PDSS2: variants seen among roughly 807,000 people sequenced by gnomAD.
PDSS2 encodes the protein decaprenyl diphosphate synthase subunit 2, also known as all trans-polyprenyl-diphosphate synthase PDSS2.
A neutral mutation model predicts 44.5 loss-of-function variants in PDSS2; 31 were observed. The observed-to-expected ratio is 0.70, with a 90% CI of 0.52 to 0.94. The LOEUF (loss-of-function observed/expected upper bound fraction) is 0.94, where lower values mean the gene tolerates loss of function less well. Ranked by LOEUF, PDSS2 falls within the 40% of genes least tolerant of loss-of-function variation. PDSS2 has a pLI of 0.00. For synonymous variants in PDSS2, 157 were observed against 180.3 expected, an observed-to-expected ratio of 0.87 and a Z score of 1.03; for missense variants, 452 against 482.2, an observed-to-expected ratio of 0.94 and a Z score of 0.59.
chr6:107,271,949 AGCT>A, intron 3 of PDSS2, among the ~76,000 whole-genome samples: 1 of 152,204 alleles, frequency 6.6e-6, no homozygotes, highest in African/African-American at 2.4e-5. Flanking sequence ...CTGTGGTCCC[AGCT>A]ACTTGGGACA....
In PDSS2 at chr6:107,163,654, G is replaced by A. The variant is rs146755478; in HGVS notation, c.1042-8877C>T. Among the ~76,000 whole-genome samples the A allele has an allele frequency of 8.8e-3, 1,340 of 151,480 alleles. 15 individuals are homozygous for A. The highest frequency in any genetic ancestry group is 0.021 in the African/African-American group (878 of 41,212). ...GTCTTGCTCTGTCACCCAGGCTGGA[G>A]TGCAGTGGCATGGTTTCGGCTCACT... On this transcript the variant is annotated intron_variant, in intron 7 of 7. Coordinates refer to ENST00000369037, the MANE Select transcript of PDSS2 (RefSeq NM_020381.4).
At chr6:107,324,546 A>G (rs1365269408) in intron 2 of PDSS2, among the ~76,000 whole-genome samples, 3 of 152,180 alleles carry the variant, frequency 2.0e-5, no homozygotes, top group Non-Finnish European at 4.4e-5. Flanking sequence ...AATACTACAA[A>G]TAAAGTCACC....
chr6:107,201,398 A>C (rs1772770391), intron 6 of PDSS2, among the ~76,000 whole-genome samples: 1 of 147,226 alleles, frequency 6.8e-6, no homozygotes, highest in African/African-American at 2.4e-5. Context: ...AGCAAAAAAA[A>C]AAAAAAAAAA....
At chr6:107,285,971 C>G (rs950321946) in intron 2 of PDSS2, among the ~76,000 whole-genome samples, 1 of 151,782 alleles carries the variant, frequency 6.6e-6, no homozygotes, top group African/African-American at 2.4e-5. Context: ...AAAACCCCGT[C>G]CCTACTAAAA....
Position 107,432,885 on chromosome 6 carries a change from T to G in PDSS2, c.296+26105A>C, listed in dbSNP as rs911630398. Among the ~76,000 whole-genome samples the G allele has an allele frequency of 3.9e-5, 6 of 152,148 alleles. No homozygotes were observed. The East Asian group carries it at 1.2e-3, about 29-fold the overall frequency. On this transcript the variant is annotated intron_variant, in intron 1 of 7. Transcript: ENST00000369037. ...ACTAGAACTTATTCTTCCCATCTAG[T>G]TGTAACTTTGTATCTGTTAACCAAT... is the stretch of plus-strand genomic sequence containing the variant.
At chr6:107,386,100 A>G (rs1167522627) in intron 1 of PDSS2, among the ~76,000 whole-genome samples, 1 of 152,156 alleles carries the variant, frequency 6.6e-6, no homozygotes, top group Non-Finnish European at 1.5e-5. Context: ...TGAGAAAGGA[A>G]GCTACAAATT....
At chr6:107,182,665 G>C (rs1772026473) in intron 7 of PDSS2, among the ~76,000 whole-genome samples, 1 of 152,086 alleles carries the variant, frequency 6.6e-6, no homozygotes, top group African/African-American at 2.4e-5. Flanking sequence ...TGGTACAAAA[G>C]CTTCTATAAT....
chr6:107,309,994 A>T (rs1776982354), intron 2 of PDSS2, among the ~76,000 whole-genome samples: 1 of 152,196 alleles, frequency 6.6e-6, no homozygotes, highest in Non-Finnish European at 1.5e-5. Flanking sequence ...TAAAAGTGTC[A>T]GCAAATTCAG....
intron 7 of PDSS2, among the ~76,000 whole-genome samples, chr6:107,155,486 A>G (rs1282433407): frequency 6.6e-6 from 1 of 151,746 alleles, no homozygotes; most frequent in Non-Finnish European, 1.5e-5. Flanking sequence ...CTTCACTAAT[A>G]TCTTAGTTAA....
At chr6:107,213,697 C>T (rs1773309653) in intron 4 of PDSS2, among the ~76,000 whole-genome samples, 1 of 152,036 alleles carries the variant, frequency 6.6e-6, no homozygotes, top group Non-Finnish European at 1.5e-5. Flanking sequence ...GGAGAGGTTG[C>T]AGTGAGTCGA....
intron 7 of PDSS2, among the ~76,000 whole-genome samples, chr6:107,157,156 C>T (rs1388391089): frequency 1.3e-5 from 2 of 152,008 alleles, no homozygotes; most frequent in Non-Finnish European, 2.9e-5. Context: ...TCTTGCTTGG[C>T]CTCACTTTTC....
At chr6:107,304,090 C>T (rs562511214) in intron 2 of PDSS2, among the ~76,000 whole-genome samples, 1 of 152,260 alleles carries the variant, frequency 6.6e-6, no homozygotes, top group South Asian at 2.1e-4. Context: ...CTTGAGGGAC[C>T]CTGATAATGA....
chr6:107,377,250 A>G (rs1350938798), intron 1 of PDSS2, among the ~76,000 whole-genome samples: 1 of 152,156 alleles, frequency 6.6e-6, no homozygotes, highest in South Asian at 2.1e-4. Context: ...ACACTTCTCA[A>G]AAGAAGACAT....
intron 2 of PDSS2, among the ~76,000 whole-genome samples, chr6:107,291,879 C>T (rs907052062): frequency 2.0e-5 from 3 of 151,930 alleles, no homozygotes; most frequent in African/African-American, 7.2e-5. Flanking sequence ...AAGAAAAATG[C>T]CAAGGCTGTA....
intron 1 of PDSS2, among the ~76,000 whole-genome samples, chr6:107,415,131 C>T (rs1780617394): frequency 6.6e-6 from 1 of 152,032 alleles, no homozygotes; most frequent in African/African-American, 2.4e-5. Flanking sequence ...ATTAACAGAG[C>T]ACATCATAGG....
At chr6:107,164,644 T>C (rs1483418543) in intron 7 of PDSS2, among the ~76,000 whole-genome samples, 6 of 152,226 alleles carry the variant, frequency 3.9e-5, no homozygotes, top group Admixed American at 6.5e-5. Flanking sequence ...CATGTGTCTT[T>C]ATAGCAGCAT....
At chr6:107,238,396 CT>C (rs1433766576) in intron 4 of PDSS2, among the ~76,000 whole-genome samples, 1 of 152,150 alleles carries the variant, frequency 6.6e-6, no homozygotes, top group Admixed American at 6.6e-5. Context: ...ATCGTAATGA[CT>C]TTTTTACAGT....
intron 1 of PDSS2, among the ~76,000 whole-genome samples, chr6:107,410,552 A>C (rs1390496939): frequency 1.2e-4 from 18 of 151,116 alleles, no homozygotes; most frequent in Admixed American, 1.2e-3. Flanking sequence ...GCAGTGGCAC[A>C]ACCTCAGCCC....
At chr6:107,188,683 T>G (rs1772262885) in intron 7 of PDSS2, among the ~76,000 whole-genome samples, 1 of 152,168 alleles carries the variant, frequency 6.6e-6, no homozygotes, top group South Asian at 2.1e-4. Flanking sequence ...ATGAATGGCT[T>G]AGTGCCATGC....
Sources: allele counts gnomAD v4.1 joint callset (sites outside exome capture counted in the v4.1 genomes callset), GRCh38; gene constraint gnomAD v4.1.1; transcripts MANE v1.5; gene names NCBI Gene and HGNC (gene_info 2026-07-23, HGNC 2026-07-21).